The following MLLT6 variants were observed in gnomAD, a reference collection of about 807,000 sequenced individuals.
MLLT6 encodes MLLT6, PHD finger containing.
In MLLT6, 22 loss-of-function variants were observed where a neutral mutation model predicts 103.0. The ratio of observed to expected loss-of-function variants is 0.21; its 90% CI spans 0.15 to 0.31. MLLT6 has a LOEUF of 0.31. Among genes scored for constraint, MLLT6 ranks in the 10% least tolerant of loss-of-function variants. The probability of loss-of-function intolerance (pLI) is 1.00; values close to 1 mark genes in which losing one functional copy is unlikely to be tolerated. For synonymous variants in MLLT6, 606 were observed against 623.5 expected (o/e 0.97, Z 0.42); for missense variants, 1,199 against 1,441.7 (o/e 0.83, Z 2.73).
intron 14 of MLLT6, 149 bp from the exon 15 acceptor site, chr17:38,720,223 C>T: frequency 2.4e-6 from 2 of 817,478 alleles, no homozygotes. Context: ...AGTCCCGCCT[C>T]TCTTCTCAGA....
Position 38,724,468 on chromosome 17 carries a change from G to A in MLLT6, c.2884-152G>A. 1 of 588,374 alleles carries A rather than the reference G, an allele frequency of 1.7e-6. No homozygotes were observed. Among genetic ancestry groups the A allele is most frequent in the Non-Finnish European group, 3.0e-6 (1 of 338,474 alleles). The allele number at this position is 588,374 out of a possible 1,614,324, so 36.4% of individuals were successfully genotyped here. A position where few individuals can be genotyped will look rare whatever the true frequency, so the allele number is the denominator to read the frequency against. ...CTAGATGGGGAGACCCAGGCTAAGTGGGAAATGCGAGACAGTACCTTGACT... is the reference window on the plus strand; with the variant it reads ...CTAGATGGGGAGACCCAGGCTAAGTAGGAAATGCGAGACAGTACCTTGACT... On this transcript the variant is annotated intron_variant, in intron 18 of 19. Coordinates refer to ENST00000621332, the MANE Select transcript of MLLT6 (RefSeq NM_005937.4). This position sits in a 1 kb window ranked among gnomAD's most constrained non-coding sequence, Gnocchi z 5.4.
chr17:38,722,030 G>T lies in MLLT6; in HGVS notation c.2595G>T (p.Gly865=). 6.9e-7 allele frequency: 1 copy of T among 1,442,228 alleles called. No homozygotes were observed. The highest frequency in any genetic ancestry group is 9.1e-7 in the Non-Finnish European group (1 of 1,099,810). The allele number at this position is 1,442,228 out of a possible 1,614,324, so 89.3% of individuals were successfully genotyped here. The change falls in exon 17 of 20, where the codon GGG becomes GGT. Residue 865 remains glycine, a synonymous_variant. Transcript: ENST00000621332. ...PAPLPPQPQN[G]LGRAPGAAGL... Reference sequence around the variant, plus strand: ...CACTCCCGCCCCAGCCGCAGAACGGGTTGGGCCGGGCACCCGGGGCAGCGG... The same window carrying T: ...CACTCCCGCCCCAGCCGCAGAACGGTTTGGGCCGGGCACCCGGGGCAGCGG...
In MLLT6 at chr17:38,712,653, C is replaced by T. The variant is rs369107673; in HGVS notation, c.721-38C>T. 78 of 1,368,198 alleles carry T rather than the reference C, an allele frequency of 5.7e-5. No individual in the cohort carries two copies. The African/African-American group carries it at 6.7e-4, about 12-fold the overall frequency. The allele number at this position is 1,368,198 out of a possible 1,614,324, so 84.8% of individuals were successfully genotyped here. A position where few individuals can be genotyped will look rare whatever the true frequency, so the allele number is the denominator to read the frequency against. On this transcript the variant is annotated intron_variant, in intron 7 of 19. Coordinates refer to ENST00000621332, the MANE Select transcript of MLLT6 (RefSeq NM_005937.4). ...GTCATGTTTGTCCTCGCCCAGACAG[C>T]CCCCCAGCACAATATCTAGTCACCT...
At position 38,707,814 on chromosome 17, in the gene MLLT6, A is replaced by G. The variant is rs370265218; in HGVS notation, c.296A>G (p.Asn99Ser). The G allele has an allele frequency of 8.1e-6, 13 of 1,613,886 alleles. No individual in the cohort carries two copies. Among genetic ancestry groups the G allele is most frequent in the African/African-American group, 1.3e-5 (1 of 74,932 alleles). Reference protein sequence around the residue: ...ALYIPEVQFANVLTMEPIVLQ... With the variant: ...ALYIPEVQFASVLTMEPIVLQ... ...TACATCCCCGAGGTGCAATTTGCCA[A>G]CGTGCTCACCATGGAGCCCATCGTG... Residue 99 changes from asparagine to serine, a missense_variant, in exon 4 of 20, where the codon AAC (asparagine) becomes AGC (serine). Coordinates refer to ENST00000621332, the MANE Select transcript of MLLT6 (RefSeq NM_005937.4).
At chr17:38,720,869 C>A in intron 16 of MLLT6, 122 bp downstream of exon 16, 1 of 811,756 alleles carries the variant, frequency 1.2e-6, no homozygotes, top group South Asian at 1.6e-5. Flanking sequence ...ATTGATTGAT[C>A]CATTCAGTCC....
At chr17:38,720,853 T>G (rs1456111822) in intron 16 of MLLT6, 106 bp downstream of exon 16, 1 of 952,410 alleles carries the variant, frequency 1.0e-6, no homozygotes, top group East Asian at 2.6e-5. Flanking sequence ...AGTGACTGAC[T>G]GAGCAATTGA....
Position 38,724,426 on chromosome 17 carries a change from T to G in MLLT6, c.2884-194T>G. On this transcript the variant is annotated intron_variant, in intron 18 of 19. Coordinates refer to ENST00000621332, the MANE Select transcript of MLLT6 (RefSeq NM_005937.4). The surrounding 1 kb of genome is among the most constrained non-coding windows in gnomAD (Gnocchi z 5.4). ...CTGCAGCTGGCAAATACCAATGGCG[T>G]GCAACCATTTTCTTGTCTAGATGGG... 1 of 538,476 alleles carries G rather than the reference T, an allele frequency of 1.9e-6. No individual in the cohort carries two copies. Among genetic ancestry groups the G allele is most frequent in the South Asian group, 2.7e-5 (1 of 36,942 alleles). 33.4% of individuals were successfully genotyped at this position (538,476 alleles called of 1,614,324 possible). A position where few individuals can be genotyped will look rare whatever the true frequency, so the allele number is the denominator to read the frequency against.
chr17:38,714,649 G>A (rs1905253809), intron 8 of MLLT6: 1 of 152,298 alleles, frequency 6.6e-6, no homozygotes, highest in Non-Finnish European at 1.5e-5. Context: ...TGAGGCAGGA[G>A]AATCACTTGA....
rs1282379795 is a variant in MLLT6, at chr17:38,716,717, C to A, written c.1387C>A (p.Leu463Met). The A allele has an allele frequency of 4.3e-6, 7 of 1,610,850 alleles. No homozygotes were observed. The highest frequency in any genetic ancestry group is 3.4e-6 in the Non-Finnish European group (4 of 1,178,860). Reference protein sequence around the residue: ...VPADETPETGLKEKKHKASKR... With the variant: ...VPADETPETGMKEKKHKASKR... ...TGCTGATGAGACCCCTGAGACAGGCCTGAAGGAGAAGAAGCACAAAGCCAG... is the reference window on the plus strand; with the variant it reads ...TGCTGATGAGACCCCTGAGACAGGCATGAAGGAGAAGAAGCACAAAGCCAG... The change falls in exon 10 of 20, where the codon CTG becomes ATG. Residue 463 changes from leucine (L) to methionine (M), a missense_variant. Coordinates refer to ENST00000621332, the MANE Select transcript of MLLT6 (RefSeq NM_005937.4). The surrounding 1 kb of genome is among the most constrained non-coding windows in gnomAD (Gnocchi z 5.6).
rs538683174 is a variant in MLLT6, at chr17:38,720,254, A to T, written c.2156-118A>T. ...TCAGAGCTCACCTGTGTCCCTCCTTAGGATGGCGCCGCCTTTTCAAGGGCT... is the reference window on the plus strand; with the variant it reads ...TCAGAGCTCACCTGTGTCCCTCCTTTGGATGGCGCCGCCTTTTCAAGGGCT... On this transcript the variant is annotated intron_variant, in intron 14 of 19. Coordinates refer to ENST00000621332, the MANE Select transcript of MLLT6 (RefSeq NM_005937.4). 8 of 1,012,728 alleles carry T rather than the reference A, an allele frequency of 7.9e-6. 1 individual carries two copies. The South Asian group carries it at 1.1e-4, about 14-fold the overall frequency. The allele number at this position is 1,012,728 out of a possible 1,614,324, so 62.7% of individuals were successfully genotyped here.
intron 16 of MLLT6, 168 bp downstream of exon 16, chr17:38,720,915 T>G (rs1284330550): frequency 1.5e-6 from 1 of 655,406 alleles, no homozygotes; most frequent in East Asian, 2.7e-5. Flanking sequence ...GGTGCCCACT[T>G]AGTGCCAGCC....
Position 38,722,089 on chromosome 17 carries a change from TG to T in MLLT6, c.2661del (p.Leu888TrpfsTer16). 7.3e-7 allele frequency: 1 copy of T among 1,370,660 alleles called. No homozygotes were observed. The highest frequency in any genetic ancestry group is 9.4e-7 in the Non-Finnish European group (1 of 1,066,194). The allele number at this position is 1,370,660 out of a possible 1,614,324, so 84.9% of individuals were successfully genotyped here. ...GCCATGCCCATGGCTGAGGGGCTGT[TG>T]GGGGGGCTGGCAGGCAGTGGGGGCC... is the stretch of plus-strand genomic sequence containing the variant. ...LGAMPMAEGLLGGLAGSGGLP... is the reference protein window; with the variant it reads ...LGAMPMAEGLXGGLAGSGGLP... On this transcript the variant is annotated frameshift_variant, in exon 17 of 20. Transcript: ENST00000621332. LOFTEE classifies it high-confidence loss of function.
At chr17:38,710,935 A>T (rs1905121774) in intron 6 of MLLT6, among the ~76,000 whole-genome samples, 1 of 152,198 alleles carries the variant, frequency 6.6e-6, no homozygotes, top group Non-Finnish European at 1.5e-5. Context: ...GGTGGATGTC[A>T]GACTCCTGGG....
chr17:38,712,783 T>TG lies in MLLT6; in HGVS notation c.814dup (p.Asp272GlyfsTer22). On this transcript the variant is annotated frameshift_variant, in exon 8 of 20. Coordinates refer to ENST00000621332, the MANE Select transcript of MLLT6 (RefSeq NM_005937.4). LOFTEE classifies it high-confidence loss of function. ...TCACCCCGCCCGTGGTCCCCACTGCTGACAAGGTACTGCTGCCCACCTTCA... is the reference window on the plus strand; with the variant it reads ...TCACCCCGCCCGTGGTCCCCACTGCTGGACAAGGTACTGCTGCCCACCTTCA... 6.2e-7 allele frequency: 1 copy of TG among 1,612,136 alleles called. No homozygotes were observed. The highest frequency in any genetic ancestry group is 8.5e-7 in the Non-Finnish European group (1 of 1,178,362).
At chr17:38,719,685 G>A (rs1413345260) in intron 13 of MLLT6, 65 bp from the exon 14 acceptor site, 4 of 1,577,358 alleles carry the variant, frequency 2.5e-6, no homozygotes, top group African/African-American at 2.7e-5. Context: ...TGGGGGATAC[G>A]GGAGAAGGGC....
chr17:38,722,634 T>TGGGGGGG, intron 17 of MLLT6, 44 bp from the exon 18 acceptor site: 1 of 532,156 alleles, frequency 1.9e-6, no homozygotes, highest in Non-Finnish European at 3.6e-6. Flanking sequence ...CCCTCCCCCA[T>TGGGGGGG]GGTCTGTGTG....
Position 38,713,068 on chromosome 17 carries a change from C to T in MLLT6, c.819+279C>T, listed in dbSNP as rs79269569. On this transcript the variant is annotated intron_variant, in intron 8 of 19. Transcript: ENST00000621332. ...GGCCTCAGCCCTGGGCTCTTGTCTG[C>T]AGAGAGTGGGGGACGGCACTCAGGC... 0.01 allele frequency: 7,706 copies of T among 770,160 alleles called. 415 individuals carry two copies. The African/African-American group carries it at 0.11, about 11-fold the overall frequency. The allele number at this position is 770,160 out of a possible 1,614,324, so 47.7% of individuals were successfully genotyped here.
chr17:38,712,283 G>A (rs1260561976), intron 7 of MLLT6, among the ~76,000 whole-genome samples: 2 of 152,154 alleles, frequency 1.3e-5, no homozygotes, highest in African/African-American at 4.8e-5. Flanking sequence ...GGCTCTGCAC[G>A]TTGCACACGT....
intron 16 of MLLT6, among the ~76,000 whole-genome samples, chr17:38,721,560 A>G (rs1292074350): frequency 4.6e-5 from 7 of 152,218 alleles, no homozygotes; most frequent in Non-Finnish European, 2.9e-5. Flanking sequence ...GGCTTCACCC[A>G]TAAAATGAGA....
Sources: allele counts gnomAD v4.1 joint callset (sites outside exome capture counted in the v4.1 genomes callset), GRCh38; gene constraint gnomAD v4.1.1; non-coding constraint Gnocchi (gnomAD v3.1); transcripts MANE v1.5; gene names NCBI Gene and HGNC (gene_info 2026-07-23, HGNC 2026-07-21).